The following SNAP23 variants were observed in gnomAD, a reference collection of about 807,000 sequenced individuals.
SNAP23 encodes the protein synaptosome associated protein 23.
A neutral mutation model predicts 29.0 loss-of-function variants in SNAP23; 11 were observed. The ratio of observed to expected loss-of-function variants is 0.38; its 90% confidence interval spans 0.24 to 0.63. The LOEUF is 0.63. SNAP23 is among the 20% of genes least tolerant of loss of function. The probability of loss-of-function intolerance (pLI) is 0.58; values close to 1 mark genes in which losing one functional copy is unlikely to be tolerated. For synonymous variants in SNAP23, 60 were observed against 82.9 expected (o/e 0.72, Z 1.50); for missense variants, 220 against 253.9 (o/e 0.87, Z 0.91).
chr15:42,525,088 C>T (rs1344584109), intron 5 of SNAP23, among the ~76,000 whole-genome samples: 1 of 152,204 alleles, frequency 6.6e-6, no homozygotes, highest in Non-Finnish European at 1.5e-5. Flanking sequence ...TCAAAGTCAG[C>T]TGGGCGCGGT....
chr15:42,504,961 G>T (rs573042899), intron 1 of SNAP23, among the ~76,000 whole-genome samples: 2 of 152,324 alleles, frequency 1.3e-5, no homozygotes, highest in Admixed American at 6.5e-5. Context: ...GAGCTTTATT[G>T]TGATTAATTT....
rs1246387922 is a variant in SNAP23 at position 42,532,086 on chromosome 15, TTTTC to T, written c.*616_*619del. The T allele has an allele frequency of 3.3e-5, 5 of 151,802 alleles. No individual in the cohort carries two copies. The highest frequency in any genetic ancestry group is 7.4e-5 in the Non-Finnish European group (5 of 67,948). The allele number at this position is 151,802 out of a possible 1,614,324, so 9.4% of individuals were successfully genotyped here. On this transcript the variant is annotated 3_prime_UTR_variant, in exon 8 of 8. Coordinates refer to ENST00000249647, the MANE Select transcript of SNAP23 (RefSeq NM_003825.4). ...GCTCCAAAGAGAAAAATAGAATGAG[TTTTC>T]TTTCTTTTTTTTTTTTTTGGAGTCA...
chr15:42,525,191 AC>A (rs1366629467), intron 5 of SNAP23, among the ~76,000 whole-genome samples: 3 of 151,756 alleles, frequency 2.0e-5, no homozygotes, highest in East Asian at 2.0e-4. Context: ...ACACGGTGAA[AC>A]CCTGTCTCTA....
chr15:42,515,437 C>T, intron 5 of SNAP23, 83 bp downstream of exon 5: 2 of 795,724 alleles, frequency 2.5e-6, no homozygotes, highest in African/African-American at 3.5e-5. Flanking sequence ...AGAAGTATGA[C>T]TGGGCTTAAT....
intron 5 of SNAP23, among the ~76,000 whole-genome samples, chr15:42,524,470 T>G (rs1372805392): frequency 6.6e-6 from 1 of 152,148 alleles, no homozygotes; most frequent in East Asian, 1.9e-4. Flanking sequence ...CTGCCTCCTC[T>G]CAGATCAGCA....
intron 1 of SNAP23, among the ~76,000 whole-genome samples, chr15:42,508,158 A>AT (rs2057329328): frequency 6.6e-6 from 1 of 151,472 alleles, no homozygotes; most frequent in Non-Finnish European, 1.5e-5. Context: ...CCAGCTATTC[A>AT]GGGGGCTAAA....
At chr15:42,500,541 A>T (rs914694595) in intron 1 of SNAP23, among the ~76,000 whole-genome samples, 1 of 151,992 alleles carries the variant, frequency 6.6e-6, no homozygotes. Context: ...GGCATGCGCC[A>T]CCACGCCTGG....
chr15:42,504,699 C>T (rs2057303639), intron 1 of SNAP23, among the ~76,000 whole-genome samples: 1 of 152,098 alleles, frequency 6.6e-6, no homozygotes, highest in Non-Finnish European at 1.5e-5. Context: ...GAATGTTATC[C>T]TTGTTTTACA....
intron 1 of SNAP23, among the ~76,000 whole-genome samples, chr15:42,506,138 G>A (rs1258055654): frequency 6.7e-6 from 1 of 150,256 alleles, no homozygotes; most frequent in African/African-American, 2.5e-5. Context: ...TAGAGATGGG[G>A]TTTCACCATT....
At chr15:42,515,176 G>C (rs1002526365) in intron 4 of SNAP23, 61 bp from the exon 5 acceptor site, 8 of 994,018 alleles carry the variant, frequency 8.0e-6, no homozygotes, top group Non-Finnish European at 1.1e-5. Flanking sequence ...CATAATAATA[G>C]CATTTTCTGG....
intron 5 of SNAP23, among the ~76,000 whole-genome samples, chr15:42,524,969 C>G (rs73404746): frequency 6.6e-6 from 1 of 152,004 alleles, no homozygotes; most frequent in Non-Finnish European, 1.5e-5. Flanking sequence ...TCCCACCACC[C>G]CTTCATAAAC....
Position 42,532,152 on chromosome 15 carries a change from C to T in SNAP23, c.*674C>T, listed in dbSNP as rs964737123. 2.0e-5 allele frequency: 3 copies of T among 151,366 alleles called. No homozygotes were observed. The highest frequency in any genetic ancestry group is 4.4e-5 in the Non-Finnish European group (3 of 67,992). The allele number at this position is 151,366 out of a possible 1,614,324, so 9.4% of individuals were successfully genotyped here. A position where few individuals can be genotyped will look rare whatever the true frequency, so the allele number is the denominator to read the frequency against. Reference sequence around the variant, plus strand: ...TCTTGTCCAGGCTGGAGTGCAATAGCGCGATCTGGGCTCACTGCAACCTCC... The same window carrying T: ...TCTTGTCCAGGCTGGAGTGCAATAGTGCGATCTGGGCTCACTGCAACCTCC... On this transcript the variant is annotated 3_prime_UTR_variant, in exon 8 of 8. Coordinates refer to ENST00000249647, the MANE Select transcript of SNAP23 (RefSeq NM_003825.4).
chr15:42,495,000 C>G (rs548572322), upstream of SNAP23, among the ~76,000 whole-genome samples: 1 of 152,284 alleles, frequency 6.6e-6, no homozygotes, highest in African/African-American at 2.4e-5. Flanking sequence ...CGATTGTTGG[C>G]CTTCTAAAGC....
chr15:42,513,057 C>A, intron 3 of SNAP23, 61 bp downstream of exon 3: 1 of 1,190,218 alleles, frequency 8.4e-7, no homozygotes. Flanking sequence ...CCTAATACTT[C>A]TGGCTGGAAT....
chr15:42,527,104 C>G (rs2057511065), intron 5 of SNAP23, among the ~76,000 whole-genome samples: 1 of 152,160 alleles, frequency 6.6e-6, no homozygotes, highest in African/African-American at 2.4e-5. Context: ...TCCCAAAGTG[C>G]TGGGATTACC....
chr15:42,513,308 T>C (rs755376385), intron 3 of SNAP23, 91 bp from the exon 4 acceptor site: 1 of 1,178,044 alleles, frequency 8.5e-7, no homozygotes, highest in Non-Finnish European at 1.3e-6. Context: ...AGCTTGGGTT[T>C]CTAAATTATT....
intron 5 of SNAP23, among the ~76,000 whole-genome samples, chr15:42,523,840 G>C (rs1320036426): frequency 1.3e-5 from 2 of 151,806 alleles, no homozygotes; most frequent in Non-Finnish European, 2.9e-5. Context: ...ATTTTTAGAT[G>C]GAGTCTCACT....
intron 5 of SNAP23, among the ~76,000 whole-genome samples, chr15:42,522,899 A>G (rs2057461799): frequency 8.0e-6 from 1 of 125,562 alleles, no homozygotes; most frequent in Non-Finnish European, 1.6e-5. Context: ...AGGCTAGAGT[A>G]TAGTGGCTCA....
intron 5 of SNAP23, among the ~76,000 whole-genome samples, chr15:42,524,054 G>A (rs758821163): frequency 1.3e-5 from 2 of 151,918 alleles, no homozygotes; most frequent in Non-Finnish European, 2.9e-5. Context: ...CTGACCTCAC[G>A]ATCCACCCAC....
Sources: allele counts gnomAD v4.1 joint callset (sites outside exome capture counted in the v4.1 genomes callset), GRCh38; gene constraint gnomAD v4.1.1; transcripts MANE v1.5; gene names NCBI Gene and HGNC (gene_info 2026-07-23, HGNC 2026-07-21).